The following ZNF24 variants were observed in gnomAD, a reference collection of about 807,000 sequenced individuals.
ZNF24 encodes zinc finger protein 24.
ZNF24 carries 11 observed loss-of-function variants against 40.9 expected under a neutral mutation model. The observed-to-expected ratio is 0.27, with a 90% CI of 0.17 to 0.45. The LOEUF is 0.45. ZNF24 is among the 20% of genes least tolerant of loss of function. The probability of loss-of-function intolerance (pLI) is 1.00; values close to 1 mark genes in which losing one functional copy is unlikely to be tolerated. For synonymous variants in ZNF24, 139 were observed against 154.7 expected (o/e 0.90, Z 0.75); for missense variants, 293 against 437.7 (o/e 0.67, Z 2.95).
chr18:35,341,067 G>A (rs1465809231), intron 1 of ZNF24, among the ~76,000 whole-genome samples: 1 of 152,172 alleles, frequency 6.6e-6, no homozygotes, highest in Non-Finnish European at 1.5e-5. Context: ...CATGACACGT[G>A]AAAATGATAT....
rs1008651855 is a variant in ZNF24 at position 35,335,383 on chromosome 18, A to G, written c.*1849T>C. The stretch of plus-strand genomic sequence containing the variant: ...TATACTTCAATAAATCTTAATCTAT[A>G]AAGCACATTTTTTATAATTGTTATC... On this transcript the variant is annotated 3_prime_UTR_variant, in exon 4 of 4. Transcript: ENST00000261332. 1 of 152,192 alleles carries G rather than the reference A, an allele frequency of 6.6e-6. No homozygotes were observed. The highest frequency in any genetic ancestry group is 1.5e-5 in the Non-Finnish European group (1 of 68,016). 9.4% of individuals were successfully genotyped at this position (152,192 alleles called of 1,614,324 possible).
rs559967431 is a variant in ZNF24 at position 35,340,882 on chromosome 18, G to A, written c.-83-149C>T. 15 of 508,782 alleles carry A rather than the reference G, an allele frequency of 2.9e-5. No individual in the cohort carries two copies. The highest frequency in any genetic ancestry group is 1.5e-4 in the African/African-American group (8 of 51,770). The allele number at this position is 508,782 out of a possible 1,614,324, so 31.5% of individuals were successfully genotyped here. On this transcript the variant is annotated intron_variant, in intron 1 of 3. Transcript: ENST00000261332. This position sits in a 1 kb window ranked among gnomAD's most constrained non-coding sequence, Gnocchi z 4.6. ...AGGAATTGGCAAACTACAGCTTCAC[G>A]GCCAAATCTAGCCTGCCACCCATTT...
chr18:35,341,776 TAGGAGGCTGAGGC>T (rs1447942095), intron 1 of ZNF24, among the ~76,000 whole-genome samples: 1 of 152,138 alleles, frequency 6.6e-6, no homozygotes, highest in Non-Finnish European at 1.5e-5. Context: ...CCCAGCACTA[TAGGAGGCTGAGGC>T]AGGAGGATCA....
rs933053779 is a variant in ZNF24, at chr18:35,333,215, G to T, written c.*4017C>A. The T allele has an allele frequency of 1.3e-5, 2 of 152,018 alleles. No individual in the cohort carries two copies. The highest frequency in any genetic ancestry group is 2.9e-5 in the Non-Finnish European group (2 of 68,004). The allele number at this position is 152,018 out of a possible 1,614,324, so 9.4% of individuals were successfully genotyped here. A position where few individuals can be genotyped will look rare whatever the true frequency, so the allele number is the denominator to read the frequency against. On this transcript the variant is annotated 3_prime_UTR_variant, in exon 4 of 4. Transcript: ENST00000261332. ...AAAAAAATTAAGGGAATAAATAATG[G>T]CATTTTCATAGTATTTAATCATATT... is the stretch of plus-strand genomic sequence containing the variant.
chr18:35,343,650 C>T (rs942492200), intron 1 of ZNF24: 1 of 152,172 alleles, frequency 6.6e-6, no homozygotes, highest in Non-Finnish European at 1.5e-5. Flanking sequence ...TAAGGTCTAG[C>T]CAACATTCAT....
Position 35,335,021 on chromosome 18 carries a change from A to T in ZNF24, c.*2211T>A, listed in dbSNP as rs1022106367. On this transcript the variant is annotated 3_prime_UTR_variant, in exon 4 of 4. Coordinates refer to ENST00000261332, the MANE Select transcript of ZNF24 (RefSeq NM_006965.4). Reference sequence around the variant, plus strand: ...TTACCAAATATCTTTGGCATTTATGACAAATCTACCACAGGGAAGCTTCCT... The same window carrying T: ...TTACCAAATATCTTTGGCATTTATGTCAAATCTACCACAGGGAAGCTTCCT... The T allele has an allele frequency of 6.6e-6, 1 of 152,236 alleles. No individual in the cohort carries two copies. The highest frequency in any genetic ancestry group is 2.4e-5 in the African/African-American group (1 of 41,460). 9.4% of individuals were successfully genotyped at this position (152,236 alleles called of 1,614,324 possible). A position where few individuals can be genotyped will look rare whatever the true frequency, so the allele number is the denominator to read the frequency against.
Position 35,339,816 on chromosome 18 carries a change from T to G in ZNF24, c.568+13A>C. ...CTTTCACCCTCTAGCCCACACAGAG[T>G]TCTGGTCCTCACCACAGTGCCTTAG... is the stretch of plus-strand genomic sequence containing the variant. On this transcript the variant is annotated intron_variant, in intron 3 of 3. Coordinates refer to ENST00000261332, the MANE Select transcript of ZNF24 (RefSeq NM_006965.4). 7.6e-6 allele frequency: 12 copies of G among 1,589,182 alleles called. No individual in the cohort carries two copies. Among genetic ancestry groups the G allele is most frequent in the African/African-American group, 1.3e-5 (1 of 74,206 alleles).
At chr18:35,342,677 G>C (rs371159229) in intron 1 of ZNF24, 1 of 152,078 alleles carries the variant, frequency 6.6e-6, no homozygotes. Context: ...TTGTAGCCTA[G>C]GCGCAATAGG....
Position 35,334,091 on chromosome 18 carries a change from T to C in ZNF24, c.*3141A>G, listed in dbSNP as rs982476377. On this transcript the variant is annotated 3_prime_UTR_variant, in exon 4 of 4. Coordinates refer to ENST00000261332, the MANE Select transcript of ZNF24 (RefSeq NM_006965.4). ...AGCTGTTAACACATTATTGATTAAA[T>C]AAGTATATGCCTAAATCTGGAAGAA... 2.6e-5 allele frequency: 4 copies of C among 152,098 alleles called. No homozygotes were observed. The highest frequency in any genetic ancestry group is 2.4e-5 in the African/African-American group (1 of 41,412). The allele number at this position is 152,098 out of a possible 1,614,324, so 9.4% of individuals were successfully genotyped here. A position where few individuals can be genotyped will look rare whatever the true frequency, so the allele number is the denominator to read the frequency against.
Position 35,337,599 on chromosome 18 carries a change from C to G in ZNF24, c.740G>C (p.Arg247Pro). The change falls in exon 4 of 4, where the codon CGA (arginine) becomes CCA (proline). Residue 247 changes from arginine (R) to proline (P), a missense_variant. Arg to Pro is a moderately radical substitution (Grantham distance 103). Around this residue, in one of 2 missense-constraint regions of ZNF24, gnomAD observed 234 missense variants for 299.2 expected, o/e 0.78. Coordinates refer to ENST00000261332, the MANE Select transcript of ZNF24 (RefSeq NM_006965.4). ...TTCATCACATATATGTTGTTTCTTTCGAGAGGGATTTCTCTTTCTTTCAAA... is the reference window on the plus strand; with the variant it reads ...TTCATCACATATATGTTGTTTCTTTGGAGAGGGATTTCTCTTTCTTTCAAA... ...GRFERKRNPS[R>P]KKQHICDECG... 3 of 1,614,036 alleles carry G rather than the reference C, an allele frequency of 1.9e-6. No individual in the cohort carries two copies. Among genetic ancestry groups the G allele is most frequent in the Non-Finnish European group, 2.5e-6 (3 of 1,179,964 alleles).
chr18:35,336,900 A>G lies in ZNF24; in HGVS notation c.*332T>C, dbSNP rs1052106485. The G allele has an allele frequency of 2.0e-5, 4 of 198,342 alleles. No individual in the cohort carries two copies. The highest frequency in any genetic ancestry group is 4.0e-5 in the Non-Finnish European group (4 of 99,126). The allele number at this position is 198,342 out of a possible 1,614,324, so 12.3% of individuals were successfully genotyped here. On this transcript the variant is annotated 3_prime_UTR_variant, in exon 4 of 4. Coordinates refer to ENST00000261332, the MANE Select transcript of ZNF24 (RefSeq NM_006965.4). ...ACATTTCAATGATCAATGCAGAAAT[A>G]ATGTATTTGTCTTAAAAAAGAAACT...
At chr18:35,339,221 T>C (rs2044941842) in intron 3 of ZNF24, 1 of 543,900 alleles carries the variant, frequency 1.8e-6, no homozygotes, top group Non-Finnish European at 3.2e-6. Flanking sequence ...ACTGGTCTCG[T>C]GAATTAATAC....
chr18:35,342,060 G>A (rs934128420), intron 1 of ZNF24, among the ~76,000 whole-genome samples: 4 of 152,142 alleles, frequency 2.6e-5, no homozygotes, highest in Non-Finnish European at 5.9e-5. Context: ...GCTGGGCGTG[G>A]TGGATTGCGC....
At chr18:35,342,174 G>A (rs908413905) in intron 1 of ZNF24, among the ~76,000 whole-genome samples, 1 of 150,820 alleles carries the variant, frequency 6.6e-6, no homozygotes, top group Non-Finnish European at 1.5e-5. Flanking sequence ...CTAGCCTGGC[G>A]ACAGAGCGAG....
intron 1 of ZNF24, among the ~76,000 whole-genome samples, chr18:35,343,122 T>C (rs1325545448): frequency 6.6e-6 from 1 of 152,208 alleles, no homozygotes; most frequent in Non-Finnish European, 1.5e-5. Flanking sequence ...TGTGAAAAAA[T>C]GTTCACTTGC....
intron 3 of ZNF24, chr18:35,338,778 C>A (rs2044937390): frequency 1.6e-6 from 2 of 1,264,196 alleles, no homozygotes; most frequent in Non-Finnish European, 2.0e-6. Context: ...CAGAAATTCC[C>A]AAGTGTGGAA....
intron 3 of ZNF24, chr18:35,338,501 C>T (rs1410391952): frequency 1.0e-6 from 1 of 985,548 alleles, no homozygotes. Context: ...CATGGGTTAG[C>T]ATCACTCACA....
At chr18:35,343,182 CAT>C (rs1347974363) in intron 1 of ZNF24, among the ~76,000 whole-genome samples, 1 of 152,126 alleles carries the variant, frequency 6.6e-6, no homozygotes, top group Non-Finnish European at 1.5e-5. Context: ...AAAAACATCA[CAT>C]AATTTTGAAA....
chr18:35,333,926 A>G lies in ZNF24; in HGVS notation c.*3306T>C, dbSNP rs2044880433. 3 of 152,210 alleles carry G rather than the reference A, an allele frequency of 2.0e-5. No individual in the cohort carries two copies. The highest frequency in any genetic ancestry group is 6.5e-5 in the Admixed American group (1 of 15,278). The allele number at this position is 152,210 out of a possible 1,614,324, so 9.4% of individuals were successfully genotyped here. On this transcript the variant is annotated 3_prime_UTR_variant, in exon 4 of 4. Transcript: ENST00000261332. ...TAGTTATGAAAAAAGAACATCTTCA[A>G]TGTGGGGGGAGAGGAGGCAAGTCTC...
Sources: allele counts gnomAD v4.1 joint callset (sites outside exome capture counted in the v4.1 genomes callset), GRCh38; gene constraint gnomAD v4.1.1; regional missense constraint gnomAD v4.1.1; non-coding constraint Gnocchi (gnomAD v3.1); transcripts MANE v1.5; gene names NCBI Gene and HGNC (gene_info 2026-07-23, HGNC 2026-07-21).